The following STXBP5L variants were observed in gnomAD, a reference collection of about 807,000 sequenced individuals.
STXBP5L encodes syntaxin-binding protein 5-like.
STXBP5L carries 65 observed loss-of-function variants against 144.5 expected under a neutral mutation model. The observed-to-expected ratio is 0.45, with a 90% CI of 0.37 to 0.55. The LOEUF is 0.55. STXBP5L is among the 20% of genes least tolerant of loss of function. The probability of loss-of-function intolerance (pLI) is 0.00; values close to 1 mark genes in which losing one functional copy is unlikely to be tolerated. For synonymous variants in STXBP5L, 505 were observed against 469.6 expected, an observed-to-expected ratio of 1.08 and a Z score of -0.97; for missense variants, 1,298 against 1,405.5, an observed-to-expected ratio of 0.92 and a Z score of 1.22.
chr3:121,405,480 T>A (rs73191757), intron 22 of STXBP5L, among the ~76,000 whole-genome samples: 5,429 of 152,240 alleles, frequency 0.036, 144 homozygotes, highest in Middle Eastern at 0.082. Context: ...GCACATAGAA[T>A]GTACTTGATA....
At chr3:121,004,480 A>T (rs1022158557) in intron 3 of STXBP5L, among the ~76,000 whole-genome samples, 2 of 151,790 alleles carry the variant, frequency 1.3e-5, no homozygotes, top group Non-Finnish European at 2.9e-5. Context: ...TAGATATACA[A>T]TCATGTCGTC....
intron 20 of STXBP5L, among the ~76,000 whole-genome samples, chr3:121,348,076 A>T (rs1269506420): frequency 6.6e-6 from 1 of 152,142 alleles, no homozygotes; most frequent in African/African-American, 2.4e-5. Context: ...CCCATTCAGT[A>T]TGATATTGGC....
chr3:120,953,502 CTTTTT>C (rs758605593), intron 2 of STXBP5L, among the ~76,000 whole-genome samples: 1 of 132,108 alleles, frequency 7.6e-6, no homozygotes. Flanking sequence ...TGAATTTTTC[CTTTTT>C]TTTTTTTTTT....
At chr3:121,382,691 A>G (rs1211305168) in intron 22 of STXBP5L, among the ~76,000 whole-genome samples, 1 of 152,160 alleles carries the variant, frequency 6.6e-6, no homozygotes, top group East Asian at 1.9e-4. Flanking sequence ...TTTCGTAATT[A>G]GAAATATTCT....
chr3:121,049,884 T>G (rs960411612), intron 5 of STXBP5L, among the ~76,000 whole-genome samples: 1 of 152,122 alleles, frequency 6.6e-6, no homozygotes, highest in African/African-American at 2.4e-5. Flanking sequence ...TCCACATAAC[T>G]CTTTGCATGT....
At chr3:121,132,478 A>G (rs965598970) in intron 7 of STXBP5L, among the ~76,000 whole-genome samples, 3 of 152,040 alleles carry the variant, frequency 2.0e-5, no homozygotes, top group Admixed American at 2.0e-4. Flanking sequence ...GGGAAAGGAA[A>G]GAGTAGATAG....
intron 3 of STXBP5L, among the ~76,000 whole-genome samples, chr3:121,007,681 G>A (rs1252624637): frequency 1.3e-5 from 2 of 151,974 alleles, no homozygotes; most frequent in African/African-American, 4.8e-5. Context: ...CTGATCTGTT[G>A]TTTACATAGG....
chr3:121,236,373 ATTTG>A (rs1164114312), intron 12 of STXBP5L, among the ~76,000 whole-genome samples: 3 of 152,188 alleles, frequency 2.0e-5, no homozygotes, highest in Non-Finnish European at 4.4e-5. Context: ...AAGAAAAATT[ATTTG>A]TTTGGCTCAC....
At chr3:120,984,713 G>A (rs1023104435) in intron 3 of STXBP5L, among the ~76,000 whole-genome samples, 1 of 135,902 alleles carries the variant, frequency 7.4e-6, no homozygotes, top group South Asian at 2.4e-4. Flanking sequence ...AGTGGTGAAA[G>A]TAGGCATCCT....
intron 10 of STXBP5L, among the ~76,000 whole-genome samples, chr3:121,209,320 G>C (rs1417900716): frequency 6.6e-6 from 1 of 152,000 alleles, no homozygotes; most frequent in Admixed American, 6.6e-5. Context: ...TGGTATTTCT[G>C]GTTCTAGATC....
chr3:121,324,668 C>T, intron 20 of STXBP5L: 1 of 589,102 alleles, frequency 1.7e-6, no homozygotes, highest in Non-Finnish European at 3.0e-6. Context: ...TGTCTCAAAA[C>T]TTTATTCTCA....
chr3:121,320,948 C>T (rs968165014), intron 20 of STXBP5L, among the ~76,000 whole-genome samples: 4 of 152,170 alleles, frequency 2.6e-5, no homozygotes, highest in African/African-American at 9.7e-5. Flanking sequence ...ATCTGCCCGC[C>T]TCGGCCTCCC....
At chr3:121,000,836 T>C (rs1305447262) in intron 3 of STXBP5L, among the ~76,000 whole-genome samples, 1 of 152,192 alleles carries the variant, frequency 6.6e-6, no homozygotes, top group Non-Finnish European at 1.5e-5. Flanking sequence ...TGGTATAAGT[T>C]GGGTTTAGTT....
At chr3:120,939,917 T>C (rs1710477479) in intron 2 of STXBP5L, among the ~76,000 whole-genome samples, 1 of 152,130 alleles carries the variant, frequency 6.6e-6, no homozygotes, top group African/African-American at 2.4e-5. Flanking sequence ...AGAGATTGAG[T>C]AATGTGTCCA....
In STXBP5L at chr3:121,114,878, C is replaced by A. The variant is rs922085526; in HGVS notation, c.471-47C>A. On this transcript the variant is annotated intron_variant, in intron 5 of 26. Coordinates refer to ENST00000471454, the MANE Select transcript of STXBP5L (RefSeq NM_001308330.2). ...ACATGTAAGGAAAATATAATGCTGA[C>A]CAAATGTAAAATTTAGATATTTTAA... 5 of 1,332,110 alleles carry A rather than the reference C, an allele frequency of 3.8e-6. No homozygotes were observed. The East Asian group carries it at 1.1e-4, about 28-fold the overall frequency. 82.5% of individuals were successfully genotyped at this position (1,332,110 alleles called of 1,614,324 possible). A position where few individuals can be genotyped will look rare whatever the true frequency, so the allele number is the denominator to read the frequency against.
chr3:120,932,309 A>G (rs1197424027), intron 2 of STXBP5L, among the ~76,000 whole-genome samples: 2 of 152,260 alleles, frequency 1.3e-5, no homozygotes. Flanking sequence ...TATTTACATG[A>G]TTTCTCTATT....
intron 3 of STXBP5L, among the ~76,000 whole-genome samples, chr3:121,039,565 A>G (rs996160436): frequency 2.0e-5 from 3 of 151,854 alleles, no homozygotes; most frequent in Non-Finnish European, 4.4e-5. Flanking sequence ...TCCAGATACT[A>G]TTTGATATCA....
At chr3:121,030,852 A>G (rs1946317772) in intron 3 of STXBP5L, among the ~76,000 whole-genome samples, 1 of 152,082 alleles carries the variant, frequency 6.6e-6, no homozygotes, top group African/African-American at 2.4e-5. Flanking sequence ...AACCTGATCA[A>G]TTAAAGCAAT....
chr3:120,933,442 T>A (rs1710074135), intron 2 of STXBP5L, among the ~76,000 whole-genome samples: 1 of 152,158 alleles, frequency 6.6e-6, no homozygotes, highest in African/African-American at 2.4e-5. Context: ...TTGCTTTTAG[T>A]CATTCTGTCA....
Sources: gnomAD v4.1 joint callset for allele counts (sites outside exome capture counted in the v4.1 genomes callset) on GRCh38, gnomAD v4.1.1 for gene constraint, MANE v1.5 for transcripts, NCBI Gene and HGNC (gene_info 2026-07-23, HGNC 2026-07-21) for gene names.